Variants in MYH2 observed in about 807,000 individuals in gnomAD.
MYH2 encodes myosin-2.
Under a neutral mutation model 228.1 loss-of-function variants are expected in MYH2, and 139 were observed. That is an observed-to-expected ratio of 0.61 (90% confidence interval 0.53 to 0.70). MYH2 has a LOEUF of 0.70. Among genes scored for constraint, MYH2 ranks in the 30% least tolerant of loss-of-function variants. MYH2 has a pLI of 0.00. For missense variants in MYH2, 1,809 were observed against 2,357.5 expected (o/e 0.77, Z 4.82); for synonymous variants, 796 against 871.1 (o/e 0.91, Z 1.52).
Position 10,529,099 on chromosome 17 carries a change from C to G in MYH2, c.3355-20G>C, listed in dbSNP as rs1455863544. The G allele has an allele frequency of 6.2e-7, 1 of 1,614,222 alleles. No individual in the cohort carries two copies. The highest frequency in any genetic ancestry group is 8.5e-7 in the Non-Finnish European group (1 of 1,180,040). ...GCGGGCCTGGGAATGGTGGAAAATA[C>G]AAACTCAGCTTCTTTGTGTCATAAC... is the stretch of plus-strand genomic sequence containing the variant. On this transcript the variant is annotated intron_variant, in intron 26 of 39. Transcript: ENST00000245503.
At chr17:10,543,545 A>C (rs2073586027) in intron 8 of MYH2, among the ~76,000 whole-genome samples, 166 bp downstream of exon 8, 3 of 152,206 alleles carry the variant, frequency 2.0e-5, no homozygotes, top group Non-Finnish European at 4.4e-5. Context: ...AAGGCCATAT[A>C]TCCTTCAAGA....
chr17:10,523,037 G>T, intron 39 of MYH2, 53 bp downstream of exon 39: 2 of 1,270,698 alleles, frequency 1.6e-6, no homozygotes, highest in Non-Finnish European at 2.3e-6. Flanking sequence ...ACTACAAGAA[G>T]TAGTAATTAT....
chr17:10,543,191 T>G lies in MYH2; in HGVS notation c.742-30A>C, dbSNP rs11078849. ...AAATAAAAGCTAATATTACTACCTTTTTTTTATATAATATTAAATCTTTGA... is the reference window on the plus strand; with the variant it reads ...AAATAAAAGCTAATATTACTACCTTGTTTTTATATAATATTAAATCTTTGA... On this transcript the variant is annotated intron_variant, in intron 8 of 39. Transcript: ENST00000245503. The G allele has an allele frequency of 0.44, 653,568 of 1,494,622 alleles. 149,814 individuals carry two copies. The highest frequency in any genetic ancestry group is 0.84 in the East Asian group (37,228 of 44,238). 92.6% of individuals were successfully genotyped at this position (1,494,622 alleles called of 1,614,324 possible).
chr17:10,546,042 T>C (rs1350169614), intron 4 of MYH2, among the ~76,000 whole-genome samples: 1 of 151,942 alleles, frequency 6.6e-6, no homozygotes, highest in Non-Finnish European at 1.5e-5. Flanking sequence ...GGTTTATATT[T>C]TCTTTGCAGC....
chr17:10,532,014 A>AG, intron 21 of MYH2, 126 bp from the exon 22 acceptor site: 1 of 1,254,052 alleles, frequency 8.0e-7, no homozygotes, highest in South Asian at 1.2e-5. Flanking sequence ...AGATGAAAAA[A>AG]TTCTATTTCG....
rs554354941 is a variant in MYH2 at position 10,534,422 on chromosome 17, A to G, written c.2180+651T>C. On this transcript the variant is annotated intron_variant, in intron 19 of 39. Transcript: ENST00000245503. ...TCCCTGAGCCTCAGCTTATTCATCT[A>G]TAAAGTGAAGTCTTAATAGTACCTA... 1.1e-4 allele frequency among the ~76,000 whole-genome samples: 17 copies of G among 152,362 alleles called. No homozygotes were observed. In the South Asian group the frequency reaches 3.5e-3, roughly 32 times the overall value.
Position 10,539,663 on chromosome 17 carries a change from A to G in MYH2, c.1148-101T>C. On this transcript the variant is annotated intron_variant, in intron 12 of 39. Transcript: ENST00000245503. ...ACAAGTATTTTGTGCAGTGTTTTAAATATCTCTTTCTGAGTATCCTTACCC... is the reference window on the plus strand; with the variant it reads ...ACAAGTATTTTGTGCAGTGTTTTAAGTATCTCTTTCTGAGTATCCTTACCC... 3 of 1,295,350 alleles carry G rather than the reference A, an allele frequency of 2.3e-6. No homozygotes were observed. The South Asian group carries it at 3.7e-5, about 16-fold the overall frequency. 80.2% of individuals were successfully genotyped at this position (1,295,350 alleles called of 1,614,324 possible).
At chr17:10,539,897 T>C in intron 12 of MYH2, 31 bp downstream of exon 12, 2 of 1,613,760 alleles carry the variant, frequency 1.2e-6, no homozygotes, top group African/African-American at 1.3e-5. Context: ...TTCAAACAAA[T>C]GCAAAATCAT....
In MYH2 at chr17:10,529,353, A is replaced by C. The variant is rs1030081239; in HGVS notation, c.3246T>G (p.Leu1082=). 1.2e-6 allele frequency: 2 copies of C among 1,613,962 alleles called. No homozygotes were observed. Among genetic ancestry groups the C allele is most frequent in the Non-Finnish European group, 1.7e-6 (2 of 1,180,032 alleles). The change falls in exon 25 of 40, where the codon CTT becomes CTG. Residue 1082 remains leucine (L), a synonymous_variant. Transcript: ENST00000245503. The part of the protein sequence containing the change: ...IMDIENEKQQ[L]DEKLKKKEFE... ...TTACTTACTTTTTGAGCTTTTCATCAAGTTGCTGTTTCTCATTTTCAATGT... is the reference window on the plus strand; with the variant it reads ...TTACTTACTTTTTGAGCTTTTCATCCAGTTGCTGTTTCTCATTTTCAATGT...
chr17:10,539,749 A>T (rs1448091344), intron 12 of MYH2, among the ~76,000 whole-genome samples, 179 bp downstream of exon 12: 1 of 152,200 alleles, frequency 6.6e-6, no homozygotes, highest in East Asian at 1.9e-4. Context: ...AACTTCAATA[A>T]TTATAGGAAA....
At position 10,542,965 on chromosome 17, in the gene MYH2, C is replaced by G. The variant is rs2073575845; in HGVS notation, c.814G>C (p.Glu272Gln). ...AGCTGGAAAACAACTCTAGACTTCTCTAGCAGATCTGGAAGGAAACAAATA... is the reference window on the plus strand; with the variant it reads ...AGCTGGAAAACAACTCTAGACTTCTGTAGCAGATCTGGAAGGAAACAAATA... Reference protein sequence around the residue: ...ASADIETYLLEKSRVVFQLKA... With the variant: ...ASADIETYLLQKSRVVFQLKA... Residue 272 changes from glutamate to glutamine, a missense_variant, in exon 10 of 40, where the codon GAG becomes CAG. Transcript: ENST00000245503. The G allele has an allele frequency of 6.2e-7, 1 of 1,611,194 alleles. No individual in the cohort carries two copies. The highest frequency in any genetic ancestry group is 8.5e-7 in the Non-Finnish European group (1 of 1,177,680).
intron 8 of MYH2, 130 bp downstream of exon 8, chr17:10,543,581 T>C (rs757520852): frequency 1.4e-4 from 190 of 1,365,558 alleles, no homozygotes; most frequent in Non-Finnish European, 1.9e-4. Context: ...TGTTATTACA[T>C]GCTCAGAGGA....
At position 10,526,945 on chromosome 17, in the gene MYH2, T is replaced by C; in HGVS notation, c.3983A>G (p.Glu1328Gly). 3 of 1,614,030 alleles carry C rather than the reference T, an allele frequency of 1.9e-6. No individual in the cohort carries two copies. Among genetic ancestry groups the C allele is most frequent in the Non-Finnish European group, 2.5e-6 (3 of 1,179,860 alleles). ...IEELKRQLEE[E>G]IKAKNALAHA... is the part of the protein sequence containing the mutation. ...TCTTAGAATCATAATTACTTTTATC[T>C]CCTCTTCAAGTTGCCTCTTTAATTC... The change falls in exon 29 of 40, where the codon GAG becomes GGG. Residue 1328 changes from glutamate (E) to glycine (G), a missense_variant. Glu to Gly is a moderately conservative substitution (Grantham distance 98). Coordinates refer to ENST00000245503, the MANE Select transcript of MYH2 (RefSeq NM_017534.6).
intron 17 of MYH2, among the ~76,000 whole-genome samples, chr17:10,535,579 G>A (rs1036762945): frequency 6.6e-6 from 1 of 152,156 alleles, no homozygotes; most frequent in Non-Finnish European, 1.5e-5. Flanking sequence ...CACAGAACAA[G>A]GAAAGCATCC....
intron 28 of MYH2, 25 bp downstream of exon 28, chr17:10,527,723 G>A: frequency 1.9e-6 from 3 of 1,613,782 alleles, no homozygotes; most frequent in Non-Finnish European, 2.5e-6. Flanking sequence ...CCACCCTGAA[G>A]CTGCACAGAA....
At chr17:10,523,909 T>A in intron 35 of MYH2, 25 bp from the exon 36 acceptor site, 1 of 1,606,098 alleles carries the variant, frequency 6.2e-7, no homozygotes, top group South Asian at 1.1e-5. Flanking sequence ...TTTGTACATT[T>A]AAAAAATTGT....
At chr17:10,538,744 C>T (rs1475924076) in intron 14 of MYH2, among the ~76,000 whole-genome samples, 1 of 151,538 alleles carries the variant, frequency 6.6e-6, no homozygotes, top group Non-Finnish European at 1.5e-5. Context: ...TCTGCAATGC[C>T]CTAAGTTTTG....
chr17:10,525,415 A>G lies in MYH2; in HGVS notation c.4537+36T>C. ...TGTGACATAAGGGAGAGATTCTTCC[A>G]AGTTATGAATATTATTGAATATGAT... On this transcript the variant is annotated intron_variant, in intron 32 of 39. Coordinates refer to ENST00000245503, the MANE Select transcript of MYH2 (RefSeq NM_017534.6). This position sits in a 1 kb window ranked among gnomAD's most constrained non-coding sequence, Gnocchi z 4.2. The G allele has an allele frequency of 6.2e-7, 1 of 1,614,084 alleles. No individual in the cohort carries two copies. The highest frequency in any genetic ancestry group is 8.5e-7 in the Non-Finnish European group (1 of 1,179,938).
chr17:10,523,625 G>C lies in MYH2; in HGVS notation c.5343C>G (p.Thr1781=), dbSNP rs529144757. 6.2e-7 allele frequency: 1 copy of C among 1,614,168 alleles called. No homozygotes were observed. Among genetic ancestry groups the C allele is most frequent in the Admixed American group, 1.7e-5 (1 of 60,028 alleles). The change falls in exon 37 of 40, where the codon ACC becomes ACG. Residue 1781 remains threonine (T), a synonymous_variant. Transcript: ENST00000245503. ...MAEELKKEQD[T]SAHLERMKKN... is the part of the protein sequence containing the mutation. ...TCTTCATCCGCTCCAGGTGGGCGCT[G>C]GTGTCCTGCTCCTTCTTCAGCTCCT...
Sources: gnomAD v4.1 joint callset for allele counts (sites outside exome capture counted in the v4.1 genomes callset) on GRCh38, gnomAD v4.1.1 for gene constraint, Gnocchi (gnomAD v3.1) non-coding constraint, MANE v1.5 for transcripts, NCBI Gene and HGNC (gene_info 2026-07-23, HGNC 2026-07-21) for gene names.